The following PCDHGB1 variants were observed in gnomAD, a reference collection of about 807,000 sequenced individuals.
PCDHGB1 encodes the protein protocadherin gamma subfamily B, 1.
A neutral mutation model predicts 56.6 loss-of-function variants in PCDHGB1; 34 were observed. The ratio of observed to expected loss-of-function variants is 0.60; its 90% CI spans 0.46 to 0.80. The LOEUF (loss-of-function observed/expected upper bound fraction) is 0.80, where lower values mean the gene tolerates loss of function less well. Ranked by LOEUF, PCDHGB1 falls within the 30% of genes least tolerant of loss-of-function variation. The pLI, the probability that PCDHGB1 is intolerant of heterozygous loss-of-function variation, is 0.00. For synonymous variants in PCDHGB1, 561 were observed against 505.9 expected (o/e 1.11, Z -1.46); for missense variants, 1,278 against 1,204.6 (o/e 1.06, Z -0.90).
intron 1 of PCDHGB1, among the ~76,000 whole-genome samples, chr5:141,475,380 T>A (rs2099362720): frequency 6.6e-6 from 1 of 152,244 alleles, no homozygotes; most frequent in South Asian, 2.1e-4. Flanking sequence ...TACTTTTAAA[T>A]TTTATAAGCC....
In PCDHGB1 at chr5:141,409,436, C is replaced by T. The variant is rs368696166; in HGVS notation, c.2409+56767C>T. Reference sequence around the variant, plus strand: ...ACTGGTGACAGATGGAGCCCTGGACCGAGAGCAGACACCAGAATACAATGT... The same window carrying T: ...ACTGGTGACAGATGGAGCCCTGGACTGAGAGCAGACACCAGAATACAATGT... On this transcript the variant is annotated intron_variant, in intron 1 of 3. Transcript: ENST00000523390. 6 of 1,613,864 alleles carry T rather than the reference C, an allele frequency of 3.7e-6. 1 individual carries two copies. The highest frequency in any genetic ancestry group is 5.1e-6 in the Non-Finnish European group (6 of 1,179,900).
intron 1 of PCDHGB1, chr5:141,366,644 C>G (rs759831298): frequency 3.7e-6 from 6 of 1,614,268 alleles, no homozygotes; most frequent in Non-Finnish European, 5.1e-6. Flanking sequence ...GATCTTTCCC[C>G]AGCCCAACTA....
At chr5:141,372,726 C>G (rs748651265) in intron 1 of PCDHGB1, 2 of 1,613,836 alleles carry the variant, frequency 1.2e-6, no homozygotes, top group South Asian at 2.2e-5. Flanking sequence ...TGCTGCACCA[C>G]AAGATCTTCT....
chr5:141,492,829 C>T (rs2099744241), intron 1 of PCDHGB1, among the ~76,000 whole-genome samples: 1 of 152,232 alleles, frequency 6.6e-6, no homozygotes, highest in Non-Finnish European at 1.5e-5. Context: ...CGGCCCCTTC[C>T]TCCCGCAGGA....
At chr5:141,481,913 CAAA>C (rs34114744) in intron 1 of PCDHGB1, among the ~76,000 whole-genome samples, 50 of 90,788 alleles carry the variant, frequency 5.5e-4, no homozygotes, top group African/African-American at 7.1e-4. Flanking sequence ...AACTCCATCT[CAAA>C]AAAAAAAAAA....
chr5:141,352,028 G>C lies in PCDHGB1; in HGVS notation c.1768G>C (p.Val590Leu), dbSNP rs1433594846. Residue 590 changes from valine (V) to leucine (L), a missense_variant, in exon 1 of 4, where the codon GTG becomes CTG. Val to Leu is a conservative substitution (Grantham distance 32). Transcript: ENST00000523390. ...CTACCTGGTGACCAAGGTGGTGGCG[G>C]TGGACGCAGACTCAGGACACAACGC... ...PGYLVTKVVA[V>L]DADSGHNAWL... 6.2e-7 allele frequency: 1 copy of C among 1,609,284 alleles called. No homozygotes were observed. Among genetic ancestry groups the C allele is most frequent in the Non-Finnish European group, 8.5e-7 (1 of 1,179,086 alleles).
intron 1 of PCDHGB1, chr5:141,409,421 G>C (rs1381290106): frequency 6.2e-7 from 1 of 1,614,044 alleles, no homozygotes; most frequent in South Asian, 1.1e-5. Context: ...ACTGGTGACA[G>C]ATGGAGCCCT....
Position 141,489,084 on chromosome 5 carries a change from C to CCG in PCDHGB1, c.2410-5723_2410-5722insCG. On this transcript the variant is annotated intron_variant, in intron 1 of 3. Coordinates refer to ENST00000523390, the MANE Select transcript of PCDHGB1 (RefSeq NM_018922.3). The surrounding 1 kb of genome is among the most constrained non-coding windows in gnomAD (Gnocchi z 4.5). ...CTCCCCCCTGCCCACCCCCGCCACT[C>CCG]GGTGACTAAGAACTGCTGCAAGCAG... 9.1e-6 allele frequency: 3 copies of CCG among 329,130 alleles called. No individual in the cohort carries two copies. The highest frequency in any genetic ancestry group is 5.4e-6 in the Non-Finnish European group (1 of 186,464). The allele number at this position is 329,130 out of a possible 1,614,324, so 20.4% of individuals were successfully genotyped here. A position where few individuals can be genotyped will look rare whatever the true frequency, so the allele number is the denominator to read the frequency against.
At position 141,394,145 on chromosome 5, in the gene PCDHGB1, C is replaced by T. The variant is rs754958885; in HGVS notation, c.2409+41476C>T. The T allele has an allele frequency of 3.7e-6, 6 of 1,613,962 alleles. No homozygotes were observed. The East Asian group carries it at 8.9e-5, about 24-fold the overall frequency. On this transcript the variant is annotated intron_variant, in intron 1 of 3. Transcript: ENST00000523390. ...CTCAAATCGCTCTGCACGTGGCAGA[C>T]ATTAACGACAACCCTCCTACTTTCC...
At chr5:141,451,180 T>C (rs1318435826) in intron 1 of PCDHGB1, among the ~76,000 whole-genome samples, 4 of 152,180 alleles carry the variant, frequency 2.6e-5, no homozygotes, top group Non-Finnish European at 4.4e-5. Flanking sequence ...ATTTAGCCAT[T>C]GCTGTGTAAC....
chr5:141,406,998 A>T (rs138992041), intron 1 of PCDHGB1, among the ~76,000 whole-genome samples: 1 of 152,234 alleles, frequency 6.6e-6, no homozygotes, highest in Non-Finnish European at 1.5e-5. Context: ...ATTTGAAAAT[A>T]AGCTTTGAAG....
At chr5:141,362,396 T>A (rs1251687072) in intron 1 of PCDHGB1, 1 of 1,613,940 alleles carries the variant, frequency 6.2e-7, no homozygotes, top group African/African-American at 1.3e-5. Flanking sequence ...TCCTACAACC[T>A]GTGTGTTGCC....
At chr5:141,418,568 G>A (rs769914679) in intron 1 of PCDHGB1, 62 of 1,613,902 alleles carry the variant, frequency 3.8e-5, no homozygotes, top group Non-Finnish European at 5.2e-5. Context: ...AGATGCCAAT[G>A]ACAACCCCCC....
At chr5:141,384,518 C>T (rs1479729851) in intron 1 of PCDHGB1, 7 of 1,614,192 alleles carry the variant, frequency 4.3e-6, no homozygotes, top group East Asian at 4.5e-5. Flanking sequence ...AGCGGGGACC[C>T]GCCTCTCAGC....
In PCDHGB1 at chr5:141,487,218, C is replaced by G. The variant is rs2099641338; in HGVS notation, c.2410-7589C>G. The stretch of plus-strand genomic sequence containing the variant: ...CCAGATCTTCGAGAATCTTCAGCTC[C>G]AAGGGAAGGAGAATCTCGTCTAACC... On this transcript the variant is annotated intron_variant, in intron 1 of 3. Transcript: ENST00000523390. The surrounding 1 kb of genome is among the most constrained non-coding windows in gnomAD (Gnocchi z 5.0). 1 of 1,613,820 alleles carries G rather than the reference C, an allele frequency of 6.2e-7. No homozygotes were observed. The highest frequency in any genetic ancestry group is 1.1e-5 in the South Asian group (1 of 91,078).
intron 1 of PCDHGB1, chr5:141,415,030 G>A (rs374572942): frequency 1.2e-6 from 2 of 1,613,460 alleles, no homozygotes; most frequent in African/African-American, 2.7e-5. Flanking sequence ...CAGCGAGCCG[G>A]GACTCTTCGC....
chr5:141,352,631 G>A lies in PCDHGB1; in HGVS notation c.2371G>A (p.Asp791Asn), dbSNP rs762118992. 1.9e-6 allele frequency: 3 copies of A among 1,611,150 alleles called. No individual in the cohort carries two copies. Among genetic ancestry groups the A allele is most frequent in the East Asian group, 2.2e-5 (1 of 44,862 alleles). The change falls in exon 1 of 4, where the codon GAT becomes AAT. Residue 791 changes from aspartate to asparagine, a missense_variant. Asp to Asn is a conservative substitution (Grantham distance 23). Coordinates refer to ENST00000523390, the MANE Select transcript of PCDHGB1 (RefSeq NM_018922.3). ...TATGGTTGTATGTGCCAGTAATGAA[G>A]ATCACAAAATCGCTTATGACCCTTC... ...PSMVVCASNE[D>N]HKIAYDPSLS... is the part of the protein sequence containing the mutation.
chr5:141,468,790 C>T (rs1215557602), intron 1 of PCDHGB1, among the ~76,000 whole-genome samples: 10 of 151,564 alleles, frequency 6.6e-5, no homozygotes, highest in African/African-American at 2.2e-4. Context: ...GGCGTGAACC[C>T]GGGAGGCGGA....
Position 141,400,031 on chromosome 5 carries a change from G to A in PCDHGB1, c.2409+47362G>A, listed in dbSNP as rs373709904. The A allele has an allele frequency of 2.2e-5, 36 of 1,612,964 alleles. No individual in the cohort carries two copies. In the African/African-American group the frequency reaches 4.5e-4, roughly 20 times the overall value. The stretch of plus-strand genomic sequence containing the variant: ...GCCTTGGGCGACAGGGACGCGGCCC[G>A]CCAGCGCCTGCTGGTTGCTGTGCGT... On this transcript the variant is annotated intron_variant, in intron 1 of 3. Coordinates refer to ENST00000523390, the MANE Select transcript of PCDHGB1 (RefSeq NM_018922.3).
Sources: gnomAD v4.1 joint callset for allele counts (sites outside exome capture counted in the v4.1 genomes callset) on GRCh38, gnomAD v4.1.1 for gene constraint, Gnocchi (gnomAD v3.1) non-coding constraint, MANE v1.5 for transcripts, NCBI Gene and HGNC (gene_info 2026-07-23, HGNC 2026-07-21) for gene names.